ALCAM: variants seen among roughly 807,000 people sequenced by gnomAD.
The protein encoded by ALCAM is activated leukocyte cell adhesion molecule.
Under a neutral mutation model 70.9 loss-of-function variants are expected in ALCAM, and 30 were observed. The observed-to-expected ratio is 0.42, with a 90% CI of 0.32 to 0.57. The LOEUF (loss-of-function observed/expected upper bound fraction) is 0.57. Ranked by LOEUF, ALCAM falls within the 20% of genes least tolerant of loss-of-function variation. The probability of loss-of-function intolerance (pLI) is 0.11; values close to 1 mark genes in which losing one functional copy is unlikely to be tolerated. For missense variants in ALCAM, 591 were observed against 695.1 expected (o/e 0.85, Z 1.68); for synonymous variants, 249 against 242.5 (o/e 1.03, Z -0.25).
chr3:105,431,178 T>A (rs1936924200), intron 1 of ALCAM, among the ~76,000 whole-genome samples: 1 of 151,820 alleles, frequency 6.6e-6, no homozygotes, highest in African/African-American at 2.4e-5. Context: ...GTATATAATT[T>A]AGATATTGCC....
intron 1 of ALCAM, among the ~76,000 whole-genome samples, chr3:105,483,860 GATTT>G (rs1189437457): frequency 6.6e-6 from 1 of 152,070 alleles, no homozygotes; most frequent in Non-Finnish European, 1.5e-5. Flanking sequence ...ATTTTTATCA[GATTT>G]ATAGTTTGCT....
intron 1 of ALCAM, among the ~76,000 whole-genome samples, chr3:105,411,677 A>T (rs1576145495): frequency 6.6e-6 from 1 of 152,212 alleles, no homozygotes; most frequent in South Asian, 2.1e-4. Context: ...GGGAGAATAG[A>T]TATGCAGTGC....
chr3:105,528,154 G>A (rs1419469745), intron 3 of ALCAM, among the ~76,000 whole-genome samples: 1 of 152,152 alleles, frequency 6.6e-6, no homozygotes, highest in African/African-American at 2.4e-5. Flanking sequence ...GCTATCCTAT[G>A]TGTGGGTTTT....
intron 1 of ALCAM, among the ~76,000 whole-genome samples, chr3:105,482,050 A>G (rs1190454194): frequency 2.6e-5 from 4 of 152,158 alleles, no homozygotes; most frequent in Non-Finnish European, 5.9e-5. Context: ...AAACAAATGA[A>G]CAAAAGAGCC....
intron 1 of ALCAM, among the ~76,000 whole-genome samples, chr3:105,425,061 T>C (rs141165892): frequency 1.4e-5 from 2 of 146,938 alleles, no homozygotes; most frequent in African/African-American, 2.5e-5. Context: ...CATTTAGCTA[T>C]TTTGATTCTC....
intron 1 of ALCAM, among the ~76,000 whole-genome samples, chr3:105,477,124 C>A (rs1012368205): frequency 6.6e-6 from 1 of 151,942 alleles, no homozygotes; most frequent in Admixed American, 6.6e-5. Flanking sequence ...CTTTTTCTTT[C>A]CAGTTTCAGG....
At chr3:105,539,490 G>A (rs517415) in intron 6 of ALCAM, among the ~76,000 whole-genome samples, 125,825 of 152,020 alleles carry the variant, frequency 0.83, 52,201 homozygotes, top group East Asian at 0.96. Flanking sequence ...CCTGCATGCC[G>A]AAATCCTCGC....
chr3:105,394,292 TGTC>T (rs1199391691), intron 1 of ALCAM, among the ~76,000 whole-genome samples: 1 of 151,970 alleles, frequency 6.6e-6, no homozygotes, highest in Non-Finnish European at 1.5e-5. Flanking sequence ...TGTATGTCTG[TGTC>T]TGAGAAGGAC....
intron 1 of ALCAM, among the ~76,000 whole-genome samples, chr3:105,466,648 C>T (rs1937746975): frequency 2.0e-5 from 3 of 151,386 alleles, no homozygotes; most frequent in African/African-American, 4.8e-5. Flanking sequence ...ATCCCTGAGA[C>T]ATGCAGAATT....
intron 1 of ALCAM, among the ~76,000 whole-genome samples, chr3:105,406,754 T>C (rs1461068521): frequency 1.4e-5 from 2 of 141,356 alleles, no homozygotes; most frequent in Non-Finnish European, 3.1e-5. Context: ...AAAAGATAAA[T>C]GAAAAAAAAA....
At chr3:105,445,095 GAAGTT>G (rs1455593454) in intron 1 of ALCAM, among the ~76,000 whole-genome samples, 1 of 152,130 alleles carries the variant, frequency 6.6e-6, no homozygotes, top group Non-Finnish European at 1.5e-5. Context: ...AAATATTGGA[GAAGTT>G]AATATTGAAG....
At chr3:105,532,983 C>G (rs1173112265) in intron 4 of ALCAM, among the ~76,000 whole-genome samples, 1 of 152,046 alleles carries the variant, frequency 6.6e-6, no homozygotes, top group African/African-American at 2.4e-5. Flanking sequence ...GTTGGAGTTC[C>G]ATATTGAATA....
intron 1 of ALCAM, among the ~76,000 whole-genome samples, chr3:105,416,164 C>T (rs537103212): frequency 5.1e-4 from 78 of 152,124 alleles, no homozygotes; most frequent in African/African-American, 1.7e-3. Context: ...AAGGATAAGT[C>T]TTAAGGATAA....
At chr3:105,562,391 A>G (rs1452483957) in intron 14 of ALCAM, among the ~76,000 whole-genome samples, 1 of 152,218 alleles carries the variant, frequency 6.6e-6, no homozygotes, top group Non-Finnish European at 1.5e-5. Context: ...TTCTATATCT[A>G]TTAAAATAAT....
chr3:105,521,709 G>T (rs1175514599), intron 2 of ALCAM, among the ~76,000 whole-genome samples: 1 of 152,118 alleles, frequency 6.6e-6, no homozygotes, highest in African/African-American at 2.4e-5. Context: ...AGTACTTGTC[G>T]TGTAGTAATC....
intron 1 of ALCAM, among the ~76,000 whole-genome samples, chr3:105,453,895 T>A (rs1937493720): frequency 6.6e-6 from 1 of 152,224 alleles, no homozygotes; most frequent in African/African-American, 2.4e-5. Context: ...TGTAAATGAA[T>A]CCTTATGATT....
intron 8 of ALCAM, among the ~76,000 whole-genome samples, chr3:105,542,108 A>T (rs555535744): frequency 6.6e-6 from 1 of 152,014 alleles, no homozygotes; most frequent in Admixed American, 6.6e-5. Flanking sequence ...CTTGAAGTGC[A>T]CCAGCTTTGC....
intron 1 of ALCAM, among the ~76,000 whole-genome samples, chr3:105,469,567 G>A (rs995621121): frequency 2.2e-4 from 33 of 151,138 alleles, no homozygotes; most frequent in African/African-American, 7.5e-4. Flanking sequence ...GAGTTTGGGT[G>A]AGTTTCTTGT....
intron 1 of ALCAM, among the ~76,000 whole-genome samples, chr3:105,427,254 G>T (rs1449941181): frequency 6.6e-6 from 1 of 151,886 alleles, no homozygotes; most frequent in Non-Finnish European, 1.5e-5. Flanking sequence ...CACCCTTTTA[G>T]GAAAGGACTC....
Sources: allele counts gnomAD v4.1 joint callset (sites outside exome capture counted in the v4.1 genomes callset), GRCh38; gene constraint gnomAD v4.1.1; transcripts MANE v1.5; gene names NCBI Gene and HGNC (gene_info 2026-07-23, HGNC 2026-07-21).